ANTXR1: variants seen among roughly 807,000 people sequenced by gnomAD.
ANTXR1 encodes the protein ANTXR cell adhesion molecule 1.
Under a neutral mutation model 78.1 loss-of-function variants are expected in ANTXR1, and 19 were observed. The observed-to-expected ratio is 0.24, with a 90% CI of 0.17 to 0.36. The LOEUF (loss-of-function observed/expected upper bound fraction) is 0.36, where lower values mean the gene tolerates loss of function less well. ANTXR1 is among the 10% of genes least tolerant of loss of function. The pLI is 1.00. For synonymous variants in ANTXR1, 273 were observed against 260.5 expected (o/e 1.05, Z -0.46); for missense variants, 518 against 718.6 (o/e 0.72, Z 3.19).
At chr2:69,202,730 G>A (rs1674804906) in intron 17 of ANTXR1, among the ~76,000 whole-genome samples, 1 of 152,204 alleles carries the variant, frequency 6.6e-6, no homozygotes, top group African/African-American at 2.4e-5. Flanking sequence ...TGTTCTCCCT[G>A]TGATGTGGCT....
At chr2:69,191,010 G>GA (rs1415982657) in intron 16 of ANTXR1, among the ~76,000 whole-genome samples, 2 of 151,920 alleles carry the variant, frequency 1.3e-5, no homozygotes, top group African/African-American at 4.8e-5. Flanking sequence ...GAAGGGGAAA[G>GA]AAAAAAGAGG....
chr2:69,237,877 C>T lies in ANTXR1; in HGVS notation c.1435-7348C>T, dbSNP rs144114775. ...TTATATATATGTGTGTGTGTGCACACGTGTATGAATTTTACATGGAAAGCC... is the reference window on the plus strand; with the variant it reads ...TTATATATATGTGTGTGTGTGCACATGTGTATGAATTTTACATGGAAAGCC... On this transcript the variant is annotated intron_variant, in intron 17 of 17. Coordinates refer to ENST00000303714, the MANE Select transcript of ANTXR1 (RefSeq NM_032208.3). Among the ~76,000 whole-genome samples, 298 of 152,006 alleles carry T rather than the reference C, an allele frequency of 2.0e-3. 3 individuals carry two copies. The highest frequency in any genetic ancestry group is 9.8e-3 in the Admixed American group (150 of 15,284).
intron 13 of ANTXR1, among the ~76,000 whole-genome samples, chr2:69,159,642 T>A (rs1573942507): frequency 6.6e-6 from 1 of 152,186 alleles, no homozygotes. Flanking sequence ...TCTGTTCATA[T>A]AACAACAATT....
intron 9 of ANTXR1, among the ~76,000 whole-genome samples, chr2:69,098,942 C>A (rs10189324): frequency 6.6e-6 from 1 of 152,030 alleles, no homozygotes; most frequent in South Asian, 2.1e-4. Flanking sequence ...GCCAAGATCA[C>A]GTCACTGCAC....
At chr2:69,200,757 T>G (rs796821995) in intron 17 of ANTXR1, among the ~76,000 whole-genome samples, 1 of 152,186 alleles carries the variant, frequency 6.6e-6, no homozygotes, top group Non-Finnish European at 1.5e-5. Context: ...CATGTATGTA[T>G]GTATGTATGT....
intron 13 of ANTXR1, among the ~76,000 whole-genome samples, chr2:69,155,751 C>A (rs1673503147): frequency 6.6e-6 from 1 of 152,156 alleles, no homozygotes; most frequent in Non-Finnish European, 1.5e-5. Flanking sequence ...CTCACCCCAG[C>A]CAAGAGCCAA....
rs375765147 is a variant in ANTXR1, at chr2:69,151,852, C to T, written c.952-317C>T. On this transcript the variant is annotated intron_variant, in intron 12 of 17. Coordinates refer to ENST00000303714, the MANE Select transcript of ANTXR1 (RefSeq NM_032208.3). ...CTGTCACCAGGCAGGGGATGGTGTT[C>T]CAGGGGGCCAGATGAGCAGTGGAAG... 6.3e-4 allele frequency among the ~76,000 whole-genome samples: 96 copies of T among 152,288 alleles called. 2 individuals are homozygous for T. The South Asian group carries it at 0.019, about 31-fold the overall frequency.
intron 17 of ANTXR1, among the ~76,000 whole-genome samples, chr2:69,200,114 G>A (rs1313207025): frequency 6.6e-6 from 1 of 152,074 alleles, no homozygotes; most frequent in Non-Finnish European, 1.5e-5. Context: ...CCCACTTCAC[G>A]TGCTCCCAGA....
At chr2:69,163,033 G>A (rs544371205) in intron 13 of ANTXR1, among the ~76,000 whole-genome samples, 34 of 152,128 alleles carry the variant, frequency 2.2e-4, no homozygotes, top group African/African-American at 6.3e-4. Flanking sequence ...AAATGCCACC[G>A]TTTTAAACAC....
intron 4 of ANTXR1, among the ~76,000 whole-genome samples, chr2:69,071,011 A>T (rs1347471445): frequency 6.6e-6 from 1 of 152,196 alleles, no homozygotes; most frequent in Non-Finnish European, 1.5e-5. Context: ...CACTCCAAAA[A>T]TGTCCTTTGT....
At chr2:69,214,196 TC>T (rs1234623178) in intron 17 of ANTXR1, among the ~76,000 whole-genome samples, 3 of 152,218 alleles carry the variant, frequency 2.0e-5, no homozygotes, top group Non-Finnish European at 4.4e-5. Flanking sequence ...GATGTTGGAA[TC>T]CCCAGGTTAA....
intron 13 of ANTXR1, among the ~76,000 whole-genome samples, chr2:69,158,726 G>A (rs561653619): frequency 9.9e-5 from 15 of 152,262 alleles, no homozygotes; most frequent in African/African-American, 1.9e-4. Context: ...CTATTTTGCC[G>A]AAGTTTAGAC....
At chr2:69,110,248 T>C (rs1438324010) in intron 10 of ANTXR1, among the ~76,000 whole-genome samples, 1 of 152,232 alleles carries the variant, frequency 6.6e-6, no homozygotes, top group Non-Finnish European at 1.5e-5. Context: ...ACTGCTTTTA[T>C]ACATTTTGAC....
intron 17 of ANTXR1, among the ~76,000 whole-genome samples, chr2:69,240,187 C>T (rs145366799): frequency 1.9e-4 from 29 of 152,320 alleles, no homozygotes; most frequent in Non-Finnish European, 3.1e-4. Flanking sequence ...TGCTGCACCT[C>T]GGAGCTCCGG....
intron 17 of ANTXR1, among the ~76,000 whole-genome samples, chr2:69,204,123 A>G (rs955989098): frequency 6.6e-6 from 1 of 152,148 alleles, no homozygotes; most frequent in Non-Finnish European, 1.5e-5. Flanking sequence ...CTGCTCCTCC[A>G]GCTGATGGCA....
chr2:69,241,428 G>A (rs1675891508), intron 17 of ANTXR1, among the ~76,000 whole-genome samples: 1 of 152,140 alleles, frequency 6.6e-6, no homozygotes. Context: ...CAAAGACTGT[G>A]GGTCTTACTG....
chr2:69,150,520 T>A (rs1013067257), intron 12 of ANTXR1, among the ~76,000 whole-genome samples: 1 of 152,080 alleles, frequency 6.6e-6, no homozygotes, highest in African/African-American at 2.4e-5. Context: ...TTTCTCACTA[T>A]GAAAGAAAGA....
chr2:69,034,349 G>T (rs1341733854), intron 1 of ANTXR1, among the ~76,000 whole-genome samples: 1 of 152,156 alleles, frequency 6.6e-6, no homozygotes, highest in Non-Finnish European at 1.5e-5. Flanking sequence ...GGACCCAAGA[G>T]TATTGAAAGA....
chr2:69,195,157 ACT>A (rs1199287016), intron 17 of ANTXR1, among the ~76,000 whole-genome samples: 2 of 147,626 alleles, frequency 1.4e-5, no homozygotes, highest in Non-Finnish European at 2.9e-5. Context: ...ACAGAGCAAG[ACT>A]CTGTCTCAAA....
Sources: gnomAD v4.1 joint callset for allele counts (sites outside exome capture counted in the v4.1 genomes callset) on GRCh38, gnomAD v4.1.1 for gene constraint, MANE v1.5 for transcripts, NCBI Gene and HGNC (gene_info 2026-07-23, HGNC 2026-07-21) for gene names.